NF1: variants seen among roughly 807,000 people sequenced by gnomAD.
NF1 encodes neurofibromin 1.
NF1 carries 122 observed loss-of-function variants against 325.7 expected under a neutral mutation model. That is an observed-to-expected ratio of 0.37 (90% CI 0.32 to 0.44). The LOEUF is 0.44. Among genes scored for constraint, NF1 ranks in the 20% least tolerant of loss-of-function variants. NF1 has a pLI of 1.00. For missense variants in NF1, 2,140 were observed against 3,415.4 expected (o/e 0.63, Z 9.31); for synonymous variants, 1,091 against 1,186.0 (o/e 0.92, Z 1.65).
At chr17:31,235,506 C>A in intron 27 of NF1, 105 bp from the exon 28 acceptor site, 1 of 1,152,168 alleles carries the variant, frequency 8.7e-7, no homozygotes, top group Non-Finnish European at 1.3e-6. Context: ...CTTAATTTAG[C>A]AAGTGGTTGT....
intron 36 of NF1, chr17:31,320,292 C>A: frequency 8.4e-7 from 1 of 1,183,954 alleles, no homozygotes; most frequent in Admixed American, 2.7e-5. Flanking sequence ...GTTAAGAACC[C>A]TACGTATGCT....
chr17:31,184,389 C>T (rs1315569830), intron 8 of NF1, among the ~76,000 whole-genome samples: 2 of 152,060 alleles, frequency 1.3e-5, no homozygotes, highest in African/African-American at 4.8e-5. Flanking sequence ...GTGGCTCACG[C>T]CTGTAATCCC....
chr17:31,109,163 C>T (rs572205488), intron 1 of NF1, among the ~76,000 whole-genome samples: 3 of 152,138 alleles, frequency 2.0e-5, no homozygotes, highest in Non-Finnish European at 2.9e-5. Context: ...ATTGCAACAA[C>T]ATTTTCTCAT....
intron 14 of NF1, 122 bp downstream of exon 14, chr17:31,219,240 T>A (rs527345300): frequency 1.0e-6 from 1 of 1,003,438 alleles, no homozygotes; most frequent in South Asian, 1.5e-5. Context: ...AAATGGTATG[T>A]TTATGTCTAT....
intron 57 of NF1, chr17:31,367,403 C>A: frequency 2.3e-6 from 1 of 439,340 alleles, no homozygotes. Context: ...ACTTTAGGAA[C>A]TTGTAAAGCC....
chr17:31,208,641 A>C (rs2066666349), intron 12 of NF1, among the ~76,000 whole-genome samples: 1 of 152,208 alleles, frequency 6.6e-6, no homozygotes, highest in Non-Finnish European at 1.5e-5. Flanking sequence ...CTGTAATCCC[A>C]GCACTTTGGG....
intron 1 of NF1, among the ~76,000 whole-genome samples, chr17:31,115,696 T>G (rs1189061631): frequency 6.6e-6 from 1 of 152,188 alleles, no homozygotes; most frequent in Non-Finnish European, 1.5e-5. Context: ...TGCATAACCC[T>G]TTTTCTGTGA....
chr17:31,319,444 A>G (rs1251588835), intron 36 of NF1, among the ~76,000 whole-genome samples: 1 of 152,030 alleles, frequency 6.6e-6, no homozygotes. Flanking sequence ...CAATCTTTAC[A>G]GAAGAAATGT....
At chr17:31,142,159 C>T (rs531841451) in intron 1 of NF1, among the ~76,000 whole-genome samples, 20 of 152,076 alleles carry the variant, frequency 1.3e-4, no homozygotes, top group Non-Finnish European at 2.2e-4. Flanking sequence ...TTGCTAAATC[C>T]TCTTGTTTGT....
At chr17:31,119,911 G>A (rs1488474835) in intron 1 of NF1, among the ~76,000 whole-genome samples, 1 of 152,190 alleles carries the variant, frequency 6.6e-6, no homozygotes, top group Non-Finnish European at 1.5e-5. Context: ...TCAAAGATCA[G>A]ATGGTTATAG....
chr17:31,228,566 GA>G (rs1420349936), intron 20 of NF1, among the ~76,000 whole-genome samples: 3 of 151,938 alleles, frequency 2.0e-5, no homozygotes, highest in East Asian at 1.9e-4. Flanking sequence ...CATCAATTGA[GA>G]AAAAAACCCC....
At chr17:31,157,216 T>A (rs1432506183) in intron 2 of NF1, among the ~76,000 whole-genome samples, 2 of 152,104 alleles carry the variant, frequency 1.3e-5, no homozygotes, top group Non-Finnish European at 2.9e-5. Flanking sequence ...CTCAAACTCC[T>A]GACATTAGGT....
intron 31 of NF1, chr17:31,253,558 A>G (rs1228931865): frequency 6.5e-6 from 1 of 152,874 alleles, no homozygotes; most frequent in Non-Finnish European, 1.5e-5. Flanking sequence ...TGGTAAAACT[A>G]CTTTTACCTC....
chr17:31,223,681 C>A, intron 16 of NF1, 114 bp downstream of exon 16: 2 of 988,432 alleles, frequency 2.0e-6, no homozygotes, highest in East Asian at 2.7e-5. Flanking sequence ...TCCTTCCTCC[C>A]AATGTTCTCA....
intron 36 of NF1, among the ~76,000 whole-genome samples, chr17:31,270,112 C>T (rs775925725): frequency 1.3e-5 from 2 of 152,186 alleles, no homozygotes; most frequent in African/African-American, 4.8e-5. Context: ...ACAAGGTACA[C>T]GACAGTGTGT....
At chr17:31,176,276 A>G (rs1864881429) in intron 5 of NF1, among the ~76,000 whole-genome samples, 1 of 152,206 alleles carries the variant, frequency 6.6e-6, no homozygotes, top group African/African-American at 2.4e-5. Context: ...ATGACCAGTG[A>G]TAATGAGCTT....
intron 36 of NF1, among the ~76,000 whole-genome samples, chr17:31,315,172 C>G (rs1372283610): frequency 6.6e-6 from 1 of 151,590 alleles, no homozygotes; most frequent in African/African-American, 2.4e-5. Flanking sequence ...ATTTGATTAC[C>G]CACAAAGTAG....
chr17:31,232,058 T>TTC lies in NF1; in HGVS notation c.3198-14_3198-13insCT. 1 of 1,349,972 alleles carries TTC rather than the reference T, an allele frequency of 7.4e-7. No homozygotes were observed. The highest frequency in any genetic ancestry group is 1.0e-6 in the Non-Finnish European group (1 of 997,634). 83.6% of individuals were successfully genotyped at this position (1,349,972 alleles called of 1,614,324 possible). ...TGGTCTCTAAATTTTTTTTTTTTTT[T>TTC]TTTTTTTTTTTCAGAGATTTGGACC... On this transcript the variant is annotated splice_polypyrimidine_tract_variant and intron_variant, in intron 24 of 57. Coordinates refer to ENST00000358273, the MANE Select transcript of NF1 (RefSeq NM_001042492.3).
At chr17:31,225,517 C>T (rs1597711151) in intron 17 of NF1, among the ~76,000 whole-genome samples, 1 of 152,216 alleles carries the variant, frequency 6.6e-6, no homozygotes, top group East Asian at 1.9e-4. Context: ...TAGCACTTGA[C>T]ACTTACAAGC....
Sources: gnomAD v4.1 joint callset for allele counts (sites outside exome capture counted in the v4.1 genomes callset) on GRCh38, gnomAD v4.1.1 for gene constraint, MANE v1.5 for transcripts, NCBI Gene and HGNC (gene_info 2026-07-23, HGNC 2026-07-21) for gene names.